FAM184A: variants seen among roughly 807,000 people sequenced by gnomAD.
FAM184A encodes the protein protein FAM184A.
In FAM184A, 99 loss-of-function variants were observed where a neutral mutation model predicts 143.8. The observed-to-expected ratio is 0.69, with a 90% CI of 0.58 to 0.81. FAM184A has a LOEUF of 0.81. Among genes scored for constraint, FAM184A ranks in the 40% least tolerant of loss-of-function variants. The pLI is 0.00. For synonymous variants in FAM184A, 427 were observed against 446.4 expected (o/e 0.96, Z 0.55); for missense variants, 1,217 against 1,310.5 (o/e 0.93, Z 1.10).
At chr6:119,141,716 A>T (rs1352369999) in intron 1 of FAM184A, among the ~76,000 whole-genome samples, 1 of 151,938 alleles carries the variant, frequency 6.6e-6, no homozygotes, top group Non-Finnish European at 1.5e-5. Flanking sequence ...ACCTCAAATG[A>T]TCCACCTACC....
chr6:119,012,760 G>A (rs1161194373), intron 5 of FAM184A, among the ~76,000 whole-genome samples: 1 of 152,170 alleles, frequency 6.6e-6, no homozygotes, highest in Non-Finnish European at 1.5e-5. Context: ...TCTTATTAGG[G>A]AATGGGGGGA....
chr6:119,087,431 T>A (rs1193834684), intron 1 of FAM184A, among the ~76,000 whole-genome samples: 1 of 152,160 alleles, frequency 6.6e-6, no homozygotes, highest in Non-Finnish European at 1.5e-5. Flanking sequence ...GACAAAGGAC[T>A]TGAATTGTTA....
At chr6:119,080,578 C>G (rs927716530), upstream of FAM184A, among the ~76,000 whole-genome samples, 2 of 152,090 alleles carry the variant, frequency 1.3e-5, no homozygotes, top group Non-Finnish European at 2.9e-5. Context: ...GGTCGAGTAT[C>G]CTTTATCCAA....
intron 1 of FAM184A, among the ~76,000 whole-genome samples, chr6:119,085,438 C>T (rs1277140144): frequency 6.6e-6 from 1 of 152,170 alleles, no homozygotes; most frequent in Non-Finnish European, 1.5e-5. Flanking sequence ...TCCAATAATT[C>T]CTCATCGCCT....
chr6:119,063,596 C>G (rs1056616078), intron 1 of FAM184A, among the ~76,000 whole-genome samples: 1 of 152,132 alleles, frequency 6.6e-6, no homozygotes, highest in Non-Finnish European at 1.5e-5. Flanking sequence ...TCGAGCAAGT[C>G]ACTTAACCTC....
chr6:118,965,300 G>A (rs140583065), intron 15 of FAM184A, among the ~76,000 whole-genome samples: 75 of 148,728 alleles, frequency 5.0e-4, no homozygotes, highest in African/African-American at 1.9e-3. Context: ...CTCTGGCTTC[G>A]GCCTCCCAAA....
chr6:119,105,286 G>A (rs1788750218), intron 1 of FAM184A, among the ~76,000 whole-genome samples: 1 of 152,134 alleles, frequency 6.6e-6, no homozygotes, highest in African/African-American at 2.4e-5. Context: ...ATTTCATCTT[G>A]AATTGTAATC....
At chr6:119,088,450 A>C (rs1280118237) in intron 1 of FAM184A, among the ~76,000 whole-genome samples, 2 of 152,150 alleles carry the variant, frequency 1.3e-5, no homozygotes, top group African/African-American at 4.8e-5. Flanking sequence ...TCTAAATATA[A>C]GATTTGAAAG....
intron 1 of FAM184A, among the ~76,000 whole-genome samples, chr6:119,139,445 G>A (rs749903582): frequency 6.6e-6 from 1 of 152,082 alleles, no homozygotes; most frequent in Non-Finnish European, 1.5e-5. Flanking sequence ...GTGCTCTGTC[G>A]AGGAAGATTT....
intron 1 of FAM184A, among the ~76,000 whole-genome samples, chr6:119,095,452 A>G (rs936232664): frequency 3.9e-5 from 6 of 152,292 alleles, no homozygotes; most frequent in African/African-American, 1.4e-4. Context: ...TTGAAAATCC[A>G]GTGGCCAGAG....
At chr6:119,114,972 A>G (rs1450152498) in intron 1 of FAM184A, among the ~76,000 whole-genome samples, 2 of 152,238 alleles carry the variant, frequency 1.3e-5, no homozygotes, top group African/African-American at 4.8e-5. Context: ...CTCCCACTGC[A>G]GCCTTCCGAG....
intron 1 of FAM184A, among the ~76,000 whole-genome samples, chr6:119,112,878 G>A (rs1391823664): frequency 2.0e-5 from 3 of 152,224 alleles, no homozygotes; most frequent in African/African-American, 7.2e-5. Context: ...CTTTGTGTGG[G>A]ATAAAGGATG....
intron 1 of FAM184A, among the ~76,000 whole-genome samples, chr6:119,104,427 A>G (rs1180498740): frequency 6.6e-6 from 1 of 152,256 alleles, no homozygotes; most frequent in Admixed American, 6.5e-5. Flanking sequence ...CTTGAGGGCA[A>G]GGATAATGTC....
intron 1 of FAM184A, among the ~76,000 whole-genome samples, chr6:119,138,726 A>C (rs1772105992): frequency 6.6e-6 from 1 of 152,078 alleles, no homozygotes. Flanking sequence ...TCCTGGGTTC[A>C]AGCAATTCTC....
At chr6:119,040,446 G>A (rs1354480247) in intron 1 of FAM184A, among the ~76,000 whole-genome samples, 1 of 152,146 alleles carries the variant, frequency 6.6e-6, no homozygotes, top group East Asian at 1.9e-4. Context: ...CTCTTGGCCA[G>A]AGTGACTCTG....
chr6:119,022,958 A>G lies in FAM184A; in HGVS notation c.1137T>C (p.Leu379=). ...GGTCACACATACTAGCTTTGAGGAC[A>G]AGATCTGAAGCTTGCTGTTGTAAAC... ...RERLQQQASD[L]VLKASHIGML... Residue 379 remains leucine, a synonymous_variant, in exon 3 of 18, where the codon CTT becomes CTC. Transcript: ENST00000338891. 1.2e-6 allele frequency: 2 copies of G among 1,614,188 alleles called. No individual in the cohort carries two copies. Among genetic ancestry groups the G allele is most frequent in the Non-Finnish European group, 1.7e-6 (2 of 1,180,030 alleles).
At chr6:119,145,035 C>T (rs35669317) in intron 1 of FAM184A, among the ~76,000 whole-genome samples, 1 of 152,246 alleles carries the variant, frequency 6.6e-6, no homozygotes, top group Non-Finnish European at 1.5e-5. Flanking sequence ...CTCCACCCTT[C>T]TCTGCTGACC....
At chr6:118,977,172 C>T (rs550107470) in intron 11 of FAM184A, among the ~76,000 whole-genome samples, 3 of 152,274 alleles carry the variant, frequency 2.0e-5, no homozygotes, top group African/African-American at 4.8e-5. Context: ...CAACAAACTA[C>T]GGTGGATCAA....
At chr6:119,089,245 C>T (rs776720293) in intron 1 of FAM184A, among the ~76,000 whole-genome samples, 108 of 149,888 alleles carry the variant, frequency 7.2e-4, no homozygotes, top group Non-Finnish European at 1.3e-3. Context: ...ACTCTGTCAC[C>T]GAGGCTGGAG....
Sources: gnomAD v4.1 joint callset for allele counts (sites outside exome capture counted in the v4.1 genomes callset) on GRCh38, gnomAD v4.1.1 for gene constraint, MANE v1.5 for transcripts, NCBI Gene and HGNC (gene_info 2026-07-23, HGNC 2026-07-21) for gene names.